The following BNC1 variants were observed in gnomAD, a reference collection of about 807,000 sequenced individuals.
BNC1 encodes the protein zinc finger protein basonuclin-1.
Under a neutral mutation model 66.5 loss-of-function variants are expected in BNC1, and 8 were observed. That is an observed-to-expected ratio of 0.12 (90% CI 0.07 to 0.22). The LOEUF (loss-of-function observed/expected upper bound fraction) is 0.22. BNC1 is among the 10% of genes least tolerant of loss of function. The pLI is 1.00. For missense variants in BNC1, 1,069 were observed against 1,241.3 expected (o/e 0.86, Z 2.09); for synonymous variants, 454 against 452.6 (o/e 1.00, Z -0.04).
intron 4 of BNC1, 82 bp from the exon 5 acceptor site, chr15:83,258,208 T>C (rs2151433861): frequency 1.1e-5 from 15 of 1,408,750 alleles, no homozygotes; most frequent in East Asian, 4.6e-5. Flanking sequence ...ACTTGGTAGA[T>C]ACCAGGAAAA....
Position 83,257,767 on chromosome 15 carries a change from A to G in BNC1, c.2660T>C (p.Met887Thr), listed in dbSNP as rs750487812. The change falls in exon 5 of 5, where the codon ATG becomes ACG. Residue 887 changes from methionine to threonine, a missense_variant. By Grantham distance (81) the Met-to-Thr change is moderately conservative (BLOSUM62 -1). Around this residue, in one of 7 missense-constraint regions of BNC1, gnomAD observed 657 missense variants for 715.8 expected, o/e 0.92. Coordinates refer to ENST00000345382, the MANE Select transcript of BNC1 (RefSeq NM_001717.4). ...TTCACAGTTCCCATCACTGTCCTCC[A>G]TAAGCACAGTGCCTTCCTCACTCAC... ...DGVSEEGTVL[M>T]EDSDGNCEGS... 8.7e-6 allele frequency: 14 copies of G among 1,614,030 alleles called. No individual in the cohort carries two copies. The highest frequency in any genetic ancestry group is 1.3e-5 in the African/African-American group (1 of 74,912).
At chr15:83,272,526 T>C (rs769359422) in intron 1 of BNC1, among the ~76,000 whole-genome samples, 1 of 152,044 alleles carries the variant, frequency 6.6e-6, no homozygotes, top group Non-Finnish European at 1.5e-5. Context: ...TGTGAGCCAC[T>C]GCACCAGGCC....
In BNC1 at chr15:83,257,919, T is replaced by C. The variant is rs1347233586; in HGVS notation, c.2508A>G (p.Gln836=). 3.1e-6 allele frequency: 5 copies of C among 1,614,192 alleles called. No individual in the cohort carries two copies. The highest frequency in any genetic ancestry group is 2.2e-5 in the East Asian group (1 of 44,882). ...RMGSLVYPIT[Q]VHSASLESYN... The stretch of plus-strand genomic sequence containing the variant: ...AGCTCTCCAGGCTGGCACTGTGGAC[T>C]TGCGTTATTGGGTAAACCAGACTGC... The change falls in exon 5 of 5, where the codon CAA becomes CAG. Residue 836 remains glutamine, a synonymous_variant. Transcript: ENST00000345382.
rs2038075222 is a variant in BNC1, at chr15:83,256,489, T to C, written c.*953A>G. 1.3e-5 allele frequency: 2 copies of C among 152,720 alleles called. No homozygotes were observed. The highest frequency in any genetic ancestry group is 4.1e-4 in the South Asian group (2 of 4,820). 9.5% of individuals were successfully genotyped at this position (152,720 alleles called of 1,614,324 possible). On this transcript the variant is annotated 3_prime_UTR_variant, in exon 5 of 5. Coordinates refer to ENST00000345382, the MANE Select transcript of BNC1 (RefSeq NM_001717.4). Reference sequence around the variant, plus strand: ...CTGAGGGATCCAGTGATACTGAAAATACACAACAACCATCAGAACCACATT... The same window carrying C: ...CTGAGGGATCCAGTGATACTGAAAACACACAACAACCATCAGAACCACATT...
intron 2 of BNC1, among the ~76,000 whole-genome samples, chr15:83,267,654 T>C (rs1007280809): frequency 4.6e-5 from 7 of 152,164 alleles, no homozygotes; most frequent in African/African-American, 1.4e-4. Flanking sequence ...GTGACTACTG[T>C]AGAGTTGTCA....
chr15:83,280,000 T>C (rs556938864), intron 1 of BNC1, among the ~76,000 whole-genome samples: 71 of 152,380 alleles, frequency 4.7e-4, no homozygotes, highest in South Asian at 1.4e-3. Flanking sequence ...GTTCTCTAGC[T>C]GCTTAGTTCA....
At chr15:83,260,822 TCTGA>T (rs1295732349) in intron 4 of BNC1, among the ~76,000 whole-genome samples, 2 of 152,234 alleles carry the variant, frequency 1.3e-5, no homozygotes, top group African/African-American at 2.4e-5. Flanking sequence ...GTTCTCAATC[TCTGA>T]CTGAGAGAAA....
At chr15:83,282,495 GTTC>G (rs1228097670) in intron 1 of BNC1, among the ~76,000 whole-genome samples, 1 of 152,094 alleles carries the variant, frequency 6.6e-6, no homozygotes, top group Non-Finnish European at 1.5e-5. Flanking sequence ...CTGAAGTAAT[GTTC>G]TTTTATATGA....
At chr15:83,264,949 T>C in intron 3 of BNC1, 134 bp from the exon 4 acceptor site, 1 of 883,072 alleles carries the variant, frequency 1.1e-6, no homozygotes, top group Non-Finnish European at 1.7e-6. Flanking sequence ...TTTGGGGAAT[T>C]TAGTCCCTGC....
chr15:83,268,565 T>G (rs1009539206), intron 1 of BNC1, among the ~76,000 whole-genome samples: 1 of 152,354 alleles, frequency 6.6e-6, no homozygotes, highest in East Asian at 1.9e-4. Flanking sequence ...ACCAAATTTC[T>G]AAGTTGACTA....
At chr15:83,274,341 C>G (rs990360000) in intron 1 of BNC1, among the ~76,000 whole-genome samples, 1 of 152,116 alleles carries the variant, frequency 6.6e-6, no homozygotes, top group African/African-American at 2.4e-5. Context: ...GCTGAGATCG[C>G]GCCACTGCAC....
intron 4 of BNC1, 121 bp downstream of exon 4, chr15:83,262,830 G>A (rs770800673): frequency 1.9e-6 from 2 of 1,062,606 alleles, no homozygotes; most frequent in Non-Finnish European, 2.6e-6. Flanking sequence ...ATCTAATGAA[G>A]TGGAAATTCT....
At chr15:83,262,894 A>C in intron 4 of BNC1, 57 bp downstream of exon 4, 3 of 1,479,472 alleles carry the variant, frequency 2.0e-6, no homozygotes, top group Non-Finnish European at 2.7e-6. Context: ...ATTCTGATGC[A>C]TGTTAAACTT....
chr15:83,268,280 G>T, intron 1 of BNC1, 48 bp from the exon 2 acceptor site: 1 of 1,477,212 alleles, frequency 6.8e-7, no homozygotes, highest in Non-Finnish European at 9.5e-7. Flanking sequence ...AGTGATGTGT[G>T]AAACATTCAT....
intron 1 of BNC1, chr15:83,283,304 C>A: frequency 2.0e-6 from 3 of 1,500,590 alleles, no homozygotes; most frequent in Non-Finnish European, 2.7e-6. Context: ...GCTGACAAAT[C>A]CCGAGGAACT....
chr15:83,265,724 A>G (rs74369333), intron 3 of BNC1, among the ~76,000 whole-genome samples: 1,803 of 152,332 alleles, frequency 0.012, 42 homozygotes, highest in African/African-American at 0.042. Context: ...AGTTAAAAAG[A>G]AGTGAGTACA....
chr15:83,283,279 A>G (rs1344063986), intron 1 of BNC1: 2 of 1,523,614 alleles, frequency 1.3e-6, no homozygotes, highest in Admixed American at 4.0e-5. Context: ...CCTCGCCACA[A>G]TCTTGTCACA....
chr15:83,266,675 C>A (rs539172878), intron 3 of BNC1, among the ~76,000 whole-genome samples, 161 bp downstream of exon 3: 31 of 151,972 alleles, frequency 2.0e-4, no homozygotes, highest in Non-Finnish European at 2.5e-4. Flanking sequence ...TGGACTCCCC[C>A]CAAGAACATG....
intron 1 of BNC1, among the ~76,000 whole-genome samples, chr15:83,278,484 A>G (rs1424760724): frequency 2.0e-5 from 3 of 152,228 alleles, no homozygotes; most frequent in Admixed American, 6.5e-5. Context: ...AGGAATTCAA[A>G]ATATACTCAA....
Sources: allele counts gnomAD v4.1 joint callset (sites outside exome capture counted in the v4.1 genomes callset), GRCh38; gene constraint gnomAD v4.1.1; regional missense constraint gnomAD v4.1.1; transcripts MANE v1.5; gene names NCBI Gene and HGNC (gene_info 2026-07-23, HGNC 2026-07-21).